The following TASL variants were observed in gnomAD, a reference collection of about 807,000 sequenced individuals.
The protein encoded by TASL is TLR adaptor interacting with endolysosomal SLC15A4.
In TASL, 6 loss-of-function variants were observed where a neutral mutation model predicts 12.9. That is an observed-to-expected ratio of 0.46 (90% confidence interval 0.25 to 0.92). TASL has a LOEUF of 0.92. Ranked by LOEUF, TASL falls within the 40% of genes least tolerant of loss-of-function variation. TASL has a pLI of 0.17. For synonymous variants in TASL, 85 were observed against 79.3 expected (o/e 1.07, Z -0.38); for missense variants, 165 against 212.8 (o/e 0.78, Z 1.40).
intron 2 of TASL, among the ~76,000 whole-genome samples, chrX:30,566,462 G>C (rs1930499318): frequency 9.0e-6 from 1 of 111,320 alleles, no homozygotes; most frequent in Non-Finnish European, 1.9e-5. Flanking sequence ...AGCCGAGATT[G>C]AGCCACTGCA....
At chrX:30,566,129 T>G (rs1322596807) in intron 2 of TASL, among the ~76,000 whole-genome samples, 1 of 111,717 alleles carries the variant, frequency 9.0e-6, no homozygotes, top group Non-Finnish European at 1.9e-5. Flanking sequence ...ATGACAGTTA[T>G]TTTTAGCATA....
At chrX:30,567,832 A>G (rs1482834154) in intron 2 of TASL, among the ~76,000 whole-genome samples, 2 of 112,585 alleles carry the variant, frequency 1.8e-5, no homozygotes, top group African/African-American at 6.4e-5. Flanking sequence ...AAAGGAGTCA[A>G]GGACAGCAGT....
intron 2 of TASL, among the ~76,000 whole-genome samples, chrX:30,574,834 A>G (rs1290178158): frequency 4.5e-5 from 5 of 112,045 alleles, no homozygotes; most frequent in Non-Finnish European, 7.5e-5. Flanking sequence ...CACTATGTGT[A>G]ATTATTGCAT....
intron 2 of TASL, among the ~76,000 whole-genome samples, chrX:30,570,973 G>C (rs1930585057): frequency 9.1e-6 from 1 of 109,532 alleles, no homozygotes; most frequent in African/African-American, 3.3e-5. Context: ...CTGAGGTCGG[G>C]AGTTCGAGAC....
chrX:30,574,853 G>A (rs1029490539), intron 2 of TASL, among the ~76,000 whole-genome samples: 5 of 111,947 alleles, frequency 4.5e-5, no homozygotes, highest in Non-Finnish European at 9.4e-5. Flanking sequence ...ATATGCCTCC[G>A]TGAGTATTTC....
chrX:30,571,762 T>A (rs1337795256), intron 2 of TASL, among the ~76,000 whole-genome samples: 1 of 111,298 alleles, frequency 9.0e-6, no homozygotes, highest in Non-Finnish European at 1.9e-5. Context: ...TTTGACTGAT[T>A]TTTGCATTTT....
rs373008682 is a variant in TASL at position 30,569,694 on chromosome X, T to G, written c.-2+7058A>C. On this transcript the variant is annotated intron_variant, in intron 2 of 2. Coordinates refer to ENST00000378962, the MANE Select transcript of TASL (RefSeq NM_025159.3). ...TTGTAAAGACTACAAGAGCTTTGGA[T>G]GCATTGAACAAGTCACATTTTAAAA... 2.2e-4 allele frequency among the ~76,000 whole-genome samples: 25 copies of G among 111,607 alleles called. No homozygotes were observed. The East Asian group carries it at 5.1e-3, about 23-fold the overall frequency.
At chrX:30,560,478 G>T in intron 2 of TASL, 122 bp from the exon 3 acceptor site, 1 of 505,735 alleles carries the variant, frequency 2.0e-6, no homozygotes, top group Non-Finnish European at 3.2e-6. Context: ...CACCAAGCTC[G>T]TACTAATTCT....
chrX:30,569,534 C>T (rs926365728), intron 2 of TASL, among the ~76,000 whole-genome samples: 10 of 111,423 alleles, frequency 9.0e-5, no homozygotes, highest in Middle Eastern at 4.2e-3. Flanking sequence ...ACTTAAAGTC[C>T]ACAGTGAAGT....
chrX:30,567,471 G>A (rs1439287295), intron 2 of TASL, among the ~76,000 whole-genome samples: 2 of 111,422 alleles, frequency 1.8e-5, no homozygotes, highest in Admixed American at 1.9e-4. Context: ...CATGAAGTCA[G>A]TACACAAAGA....
intron 2 of TASL, among the ~76,000 whole-genome samples, chrX:30,573,284 A>C (rs1302741592): frequency 8.9e-6 from 1 of 112,312 alleles, no homozygotes; most frequent in African/African-American, 3.2e-5. Context: ...AGCAGTTAGT[A>C]TCACGCAGTC....
chrX:30,573,115 T>C (rs1930654517), intron 2 of TASL, among the ~76,000 whole-genome samples: 1 of 112,461 alleles, frequency 8.9e-6, no homozygotes, highest in Non-Finnish European at 1.9e-5. Flanking sequence ...TATCATTATC[T>C]AGATTTTCCA....
rs1930380639 is a variant in TASL at position 30,559,181 on chromosome X, A to G, written c.*269T>C. On this transcript the variant is annotated 3_prime_UTR_variant, in exon 3 of 3. Transcript: ENST00000378962. Reference sequence around the variant, plus strand: ...TTCCTATGTTTCTTCAAATGAATTAACCGTTTCTTTTTTGATCATTTTTAT... The same window carrying G: ...TTCCTATGTTTCTTCAAATGAATTAGCCGTTTCTTTTTTGATCATTTTTAT... 2 of 250,217 alleles carry G rather than the reference A, an allele frequency of 8.0e-6. No individual in the cohort carries two copies. The highest frequency in any genetic ancestry group is 2.8e-5 in the African/African-American group (1 of 35,127). The allele number at this position is 250,217 out of a possible 1,213,427, so 20.6% of individuals were successfully genotyped here.
intron 2 of TASL, among the ~76,000 whole-genome samples, chrX:30,563,450 C>T (rs971085087): frequency 8.9e-6 from 1 of 112,209 alleles, no homozygotes; most frequent in African/African-American, 3.2e-5. Flanking sequence ...CTTAAATTCC[C>T]CTAAATGTTG....
At chrX:30,573,530 T>A (rs1009232214) in intron 2 of TASL, among the ~76,000 whole-genome samples, 2 of 112,460 alleles carry the variant, frequency 1.8e-5, no homozygotes, top group Non-Finnish European at 3.8e-5. Context: ...CTCTTTTTTT[T>A]AATCTAACCA....
At chrX:30,567,190 C>T (rs1197877746) in intron 2 of TASL, among the ~76,000 whole-genome samples, 4 of 108,375 alleles carry the variant, frequency 3.7e-5, no homozygotes, top group Non-Finnish European at 5.7e-5. Flanking sequence ...GTGGGAGGAT[C>T]GCTTGAGCCC....
chrX:30,575,967 A>C (rs966942822), intron 2 of TASL, among the ~76,000 whole-genome samples: 1 of 112,024 alleles, frequency 8.9e-6, no homozygotes, highest in African/African-American at 3.2e-5. Flanking sequence ...GACTAAAAAA[A>C]TAAGAAACCT....
At chrX:30,561,721 C>A (rs1930429019) in intron 2 of TASL, among the ~76,000 whole-genome samples, 1 of 108,388 alleles carries the variant, frequency 9.2e-6, no homozygotes, top group Non-Finnish European at 1.9e-5. Flanking sequence ...TGGAACTATT[C>A]CTGGTTTATT....
At chrX:30,562,165 T>C (rs949707380) in intron 2 of TASL, among the ~76,000 whole-genome samples, 1 of 112,023 alleles carries the variant, frequency 8.9e-6, no homozygotes, top group African/African-American at 3.2e-5. Flanking sequence ...GCAGAAATAA[T>C]CGTTTGGGAG....
Sources: gnomAD v4.1 joint callset for allele counts (sites outside exome capture counted in the v4.1 genomes callset) on GRCh38, gnomAD v4.1.1 for gene constraint, MANE v1.5 for transcripts, NCBI Gene and HGNC (gene_info 2026-07-23, HGNC 2026-07-21) for gene names.